Variants in EIF4G3 observed in about 807,000 individuals in gnomAD.
EIF4G3 encodes eukaryotic translation initiation factor 4 gamma 3.
A neutral mutation model predicts 186.4 loss-of-function variants in EIF4G3; 34 were observed. The observed-to-expected ratio is 0.18, with a 90% confidence interval of 0.14 to 0.24. The LOEUF (loss-of-function observed/expected upper bound fraction) is 0.24. Among genes scored for constraint, EIF4G3 ranks in the 10% least tolerant of loss-of-function variants. The pLI is 1.00. For synonymous variants in EIF4G3, 673 were observed against 679.5 expected (o/e 0.99, Z 0.15); for missense variants, 1,536 against 1,948.5 (o/e 0.79, Z 3.99).
At chr1:20,870,002 T>C (rs1157683762) in intron 20 of EIF4G3, among the ~76,000 whole-genome samples, 1 of 152,112 alleles carries the variant, frequency 6.6e-6, no homozygotes, top group African/African-American at 2.4e-5. Context: ...TGAAGAGGTA[T>C]AGTGTTAAAG....
intron 4 of EIF4G3, among the ~76,000 whole-genome samples, chr1:21,016,651 C>G (rs1207753240): frequency 6.6e-6 from 1 of 151,524 alleles, no homozygotes; most frequent in Non-Finnish European, 1.5e-5. Flanking sequence ...AGTATGAGAC[C>G]CTGTCTTAAA....
intron 2 of EIF4G3, among the ~76,000 whole-genome samples, chr1:21,156,826 G>A (rs950152712): frequency 1.3e-5 from 2 of 152,018 alleles, no homozygotes; most frequent in South Asian, 2.1e-4. Context: ...TGTTAATCCC[G>A]CACTTTGGGA....
chr1:20,958,980 G>C (rs957408622), intron 12 of EIF4G3, among the ~76,000 whole-genome samples: 2 of 151,820 alleles, frequency 1.3e-5, no homozygotes, highest in Non-Finnish European at 2.9e-5. Flanking sequence ...ACTACTAAAA[G>C]CAATCTACAG....
chr1:21,054,999 T>C (rs2094497656), intron 3 of EIF4G3, among the ~76,000 whole-genome samples: 1 of 152,102 alleles, frequency 6.6e-6, no homozygotes, highest in African/African-American at 2.4e-5. Context: ...TTTCCAATTT[T>C]GAGTGACTAT....
chr1:21,063,981 G>A (rs1182566465), intron 3 of EIF4G3, among the ~76,000 whole-genome samples: 1 of 151,416 alleles, frequency 6.6e-6, no homozygotes, highest in African/African-American at 2.4e-5. Context: ...ACCTGCCTCA[G>A]CCTCCCAAAG....
chr1:21,025,679 CT>C (rs1052083987), intron 4 of EIF4G3, among the ~76,000 whole-genome samples: 3 of 152,100 alleles, frequency 2.0e-5, no homozygotes, highest in Non-Finnish European at 4.4e-5. Flanking sequence ...AATATATCAA[CT>C]TTTTTTTCTC....
At chr1:20,964,196 C>A (rs12063274) in intron 12 of EIF4G3, among the ~76,000 whole-genome samples, 5,173 of 152,250 alleles carry the variant, frequency 0.034, 298 homozygotes, top group African/African-American at 0.12. Context: ...TAAAAGGGAA[C>A]TCTCAGATTA....
intron 4 of EIF4G3, among the ~76,000 whole-genome samples, chr1:21,014,040 G>A (rs2154570165): frequency 6.6e-6 from 1 of 152,158 alleles, no homozygotes; most frequent in Non-Finnish European, 1.5e-5. Flanking sequence ...CATGGTGGTG[G>A]GTGCCTATAA....
chr1:20,847,039 A>C (rs1347027130), intron 29 of EIF4G3, among the ~76,000 whole-genome samples: 1 of 152,172 alleles, frequency 6.6e-6, no homozygotes, highest in African/African-American at 2.4e-5. Context: ...TAATACCCCA[A>C]AGGTAATGAG....
chr1:21,117,955 T>G (rs1295875944), intron 2 of EIF4G3, among the ~76,000 whole-genome samples: 1 of 152,072 alleles, frequency 6.6e-6, no homozygotes, highest in Admixed American at 6.6e-5. Flanking sequence ...TTCAATTTAC[T>G]CTTAAACCAA....
At chr1:20,993,542 C>T (rs1238419880) in intron 7 of EIF4G3, among the ~76,000 whole-genome samples, 5 of 152,052 alleles carry the variant, frequency 3.3e-5, no homozygotes, top group Non-Finnish European at 7.4e-5. Context: ...TACTAAGCAT[C>T]AACAAAAAGT....
intron 7 of EIF4G3, among the ~76,000 whole-genome samples, chr1:20,983,520 A>T (rs1444476279): frequency 6.6e-6 from 1 of 151,830 alleles, no homozygotes; most frequent in African/African-American, 2.4e-5. Context: ...GCATCAATGC[A>T]TGTGATCTGT....
intron 5 of EIF4G3, among the ~76,000 whole-genome samples, chr1:21,001,614 C>CA (rs1225868969): frequency 6.6e-6 from 1 of 151,898 alleles, no homozygotes; most frequent in Non-Finnish European, 1.5e-5. Flanking sequence ...ACCATTTCAG[C>CA]AAAAAAAGAG....
chr1:21,038,216 C>G (rs536904253), intron 4 of EIF4G3, among the ~76,000 whole-genome samples: 1 of 152,186 alleles, frequency 6.6e-6, no homozygotes, highest in Non-Finnish European at 1.5e-5. Context: ...CTATACTATT[C>G]AAAGCTTAGC....
chr1:21,076,635 C>T (rs1293222242), intron 3 of EIF4G3, among the ~76,000 whole-genome samples: 1 of 152,054 alleles, frequency 6.6e-6, no homozygotes, highest in African/African-American at 2.4e-5. Context: ...AGAAACAAAT[C>T]CATTTATTTA....
intron 2 of EIF4G3, among the ~76,000 whole-genome samples, chr1:21,128,623 C>A (rs542862045): frequency 2.6e-5 from 4 of 152,228 alleles, no homozygotes; most frequent in Admixed American, 2.6e-4. Context: ...GTTCTTTGGC[C>A]TTCATTTCTG....
intron 14 of EIF4G3, among the ~76,000 whole-genome samples, chr1:20,939,847 GT>G (rs538504683): frequency 1.9e-3 from 171 of 89,940 alleles, no homozygotes; most frequent in African/African-American, 4.5e-3. Context: ...AAGTTGTTTA[GT>G]TTTTTTTTTT....
intron 2 of EIF4G3, among the ~76,000 whole-genome samples, chr1:21,118,931 TAAA>T (rs35040627): frequency 8.9e-4 from 77 of 86,146 alleles, no homozygotes; most frequent in South Asian, 1.4e-3. Flanking sequence ...CAAGCTCTAT[TAAA>T]AAAAAAAAAA....
intron 4 of EIF4G3, among the ~76,000 whole-genome samples, chr1:21,019,874 C>A (rs1268557600): frequency 6.6e-6 from 1 of 152,102 alleles, no homozygotes; most frequent in Non-Finnish European, 1.5e-5. Flanking sequence ...CAGAGCAAGA[C>A]GCCGTCTCAA....
Sources: gnomAD v4.1 joint callset for allele counts (sites outside exome capture counted in the v4.1 genomes callset) on GRCh38, gnomAD v4.1.1 for gene constraint, MANE v1.5 for transcripts, NCBI Gene and HGNC (gene_info 2026-07-23, HGNC 2026-07-21) for gene names.